Variants in IL7 observed in about 807,000 individuals in gnomAD.
IL7 encodes interleukin 7, also known as interleukin-7.
IL7 carries 3 observed loss-of-function variants against 21.6 expected under a neutral mutation model. The observed-to-expected ratio is 0.14, with a 90% CI of 0.06 to 0.36. The LOEUF (loss-of-function observed/expected upper bound fraction) is 0.36, where lower values mean the gene tolerates loss of function less well. Among genes scored for constraint, IL7 ranks in the 10% least tolerant of loss-of-function variants. The pLI, the probability that IL7 is intolerant of heterozygous loss-of-function variation, is 1.00. For missense variants in IL7, 175 were observed against 200.2 expected, an observed-to-expected ratio of 0.87 and a Z score of 0.76; for synonymous variants, 62 against 68.1, an observed-to-expected ratio of 0.91 and a Z score of 0.44.
intron 1 of IL7, among the ~76,000 whole-genome samples, chr8:78,798,508 A>G (rs1454301435): frequency 6.6e-6 from 1 of 152,086 alleles, no homozygotes; most frequent in Non-Finnish European, 1.5e-5. Flanking sequence ...ATCAATTTGA[A>G]TTTATGTTGA....
At chr8:78,753,050 C>T (rs1439281781) in intron 2 of IL7, among the ~76,000 whole-genome samples, 5 of 152,098 alleles carry the variant, frequency 3.3e-5, no homozygotes, top group African/African-American at 1.2e-4. Flanking sequence ...CTGCAATAAA[C>T]ATATATGTGA....
chr8:78,711,853 C>A (rs1179470240), intron 3 of IL7: 5 of 431,710 alleles, frequency 1.2e-5, no homozygotes, highest in Non-Finnish European at 1.6e-5. Flanking sequence ...GACATTAGTT[C>A]TTACCTTGAC....
At chr8:78,762,411 G>T (rs947003017) in intron 2 of IL7, 24 of 1,609,432 alleles carry the variant, frequency 1.5e-5, no homozygotes, top group Admixed American at 6.7e-5. Flanking sequence ...TGCAGTTGGC[G>T]GCAGCGCAGA....
At chr8:78,677,708 AG>A (rs1483666471) in intron 4 of IL7, among the ~76,000 whole-genome samples, 1 of 152,032 alleles carries the variant, frequency 6.6e-6, no homozygotes. Context: ...TTAGTGTTAC[AG>A]GGCAGATAAA....
At chr8:78,785,242 GA>G (rs1337063116) in intron 2 of IL7, among the ~76,000 whole-genome samples, 1 of 151,934 alleles carries the variant, frequency 6.6e-6, no homozygotes, top group African/African-American at 2.4e-5. Flanking sequence ...TCAATTTGTG[GA>G]AAAAATTTCC....
intron 2 of IL7, among the ~76,000 whole-genome samples, chr8:78,765,605 G>A (rs1812731301): frequency 6.6e-6 from 1 of 152,000 alleles, no homozygotes; most frequent in African/African-American, 2.4e-5. Flanking sequence ...TGCCATCAGG[G>A]AAATGCAAAT....
intron 2 of IL7, among the ~76,000 whole-genome samples, chr8:78,744,986 G>A (rs1347709600): frequency 6.6e-6 from 1 of 152,178 alleles, no homozygotes; most frequent in Non-Finnish European, 1.5e-5. Context: ...GGGTCAAGTT[G>A]TTTCCTTGAT....
chr8:78,675,255 A>G (rs539919785), downstream of IL7, among the ~76,000 whole-genome samples: 1 of 151,940 alleles, frequency 6.6e-6, no homozygotes, highest in South Asian at 2.1e-4. Flanking sequence ...GTATAAAATA[A>G]TAATTCACAT....
intron 2 of IL7, among the ~76,000 whole-genome samples, chr8:78,764,943 A>G (rs1812708219): frequency 6.6e-6 from 1 of 152,172 alleles, no homozygotes; most frequent in African/African-American, 2.4e-5. Flanking sequence ...CCATAAACTT[A>G]CAGTAATCAA....
At chr8:78,705,944 G>T (rs2130581179) in intron 3 of IL7, among the ~76,000 whole-genome samples, 2 of 152,294 alleles carry the variant, frequency 1.3e-5, no homozygotes, top group South Asian at 4.2e-4. Context: ...GAGAATACCA[G>T]CAGGGATGGT....
At chr8:78,745,324 A>T (rs1811943898) in intron 2 of IL7, among the ~76,000 whole-genome samples, 1 of 152,238 alleles carries the variant, frequency 6.6e-6, no homozygotes, top group South Asian at 2.1e-4. Flanking sequence ...ACGTATATAT[A>T]CACAAACACA....
chr8:78,684,471 G>A (rs544983812), intron 4 of IL7, among the ~76,000 whole-genome samples: 12 of 152,064 alleles, frequency 7.9e-5, no homozygotes, highest in Admixed American at 5.9e-4. Flanking sequence ...ACCTCCTACC[G>A]AGTACCCCCA....
intron 4 of IL7, chr8:78,676,124 A>C (rs1809570583): frequency 3.4e-6 from 1 of 292,832 alleles, no homozygotes; most frequent in South Asian, 1.6e-4. Context: ...AACAAACAAA[A>C]TAAAAAAAAA....
rs370928525 is a variant in IL7 at position 78,733,241 on chromosome 8, C to G, written c.*472G>C. 1 of 152,814 alleles carries G rather than the reference C, an allele frequency of 6.5e-6. No individual in the cohort carries two copies. The allele number at this position is 152,814 out of a possible 1,614,324, so 9.5% of individuals were successfully genotyped here. A position where few individuals can be genotyped will look rare whatever the true frequency, so the allele number is the denominator to read the frequency against. ...GGCATTATCCATATATCATTGTTAA[C>G]TCTAAAACATCTCCAGCACAGAAGA... is the stretch of plus-strand genomic sequence containing the variant. On this transcript the variant is annotated 3_prime_UTR_variant, in exon 6 of 6. Transcript: ENST00000263851.
chr8:78,678,555 C>T (rs368489549), intron 4 of IL7: 1 of 1,599,170 alleles, frequency 6.3e-7, no homozygotes, highest in Non-Finnish European at 8.5e-7. Flanking sequence ...ATTTCTTTAT[C>T]TTAACAGAAA....
At chr8:78,702,027 G>T (rs1051612656) in intron 3 of IL7, among the ~76,000 whole-genome samples, 31 of 152,106 alleles carry the variant, frequency 2.0e-4, no homozygotes, top group African/African-American at 6.7e-4. Context: ...TCAATTTTTT[G>T]GAATAATATC....
intron 2 of IL7, among the ~76,000 whole-genome samples, chr8:78,756,746 T>C (rs567660327): frequency 6.6e-6 from 1 of 152,018 alleles, no homozygotes; most frequent in South Asian, 2.1e-4. Context: ...TTTTATCTTT[T>C]CATCTCCTTG....
At chr8:78,771,505 C>A (rs78303045) in intron 2 of IL7, among the ~76,000 whole-genome samples, 1,698 of 152,084 alleles carry the variant, frequency 0.011, 17 homozygotes, top group South Asian at 0.031. Flanking sequence ...AATAAAGAAA[C>A]CCTGGTGGCT....
intron 2 of IL7, chr8:78,761,840 A>C: frequency 1.2e-6 from 2 of 1,611,980 alleles, no homozygotes; most frequent in Admixed American, 3.3e-5. Context: ...ATCTGGAGTA[A>C]AGAGACCTTC....
Sources: allele counts gnomAD v4.1 joint callset (sites outside exome capture counted in the v4.1 genomes callset), GRCh38; gene constraint gnomAD v4.1.1; transcripts MANE v1.5; gene names NCBI Gene and HGNC (gene_info 2026-07-23, HGNC 2026-07-21).